CDKL5: variants seen among roughly 807,000 people sequenced by gnomAD.
CDKL5 encodes cyclin-dependent kinase-like 5.
In CDKL5, 8 loss-of-function variants were observed where a neutral mutation model predicts 61.7. That is an observed-to-expected ratio of 0.13 (90% CI 0.08 to 0.23). The LOEUF is 0.23. CDKL5 is among the 10% of genes least tolerant of loss of function. The pLI, the probability that CDKL5 is intolerant of heterozygous loss-of-function variation, is 1.00. For missense variants in CDKL5, 440 were observed against 734.5 expected (o/e 0.60, Z 4.63); for synonymous variants, 275 against 272.3 (o/e 1.01, Z -0.10).
intron 4 of CDKL5, among the ~76,000 whole-genome samples, chrX:18,566,071 G>A (rs943298017): frequency 1.8e-5 from 2 of 112,150 alleles, no homozygotes; most frequent in Non-Finnish European, 3.8e-5. Context: ...ATCTTTCAGG[G>A]CATATTGGCA....
intron 3 of CDKL5, among the ~76,000 whole-genome samples, chrX:18,562,920 A>G (rs1308600782): frequency 8.9e-6 from 1 of 112,288 alleles, no homozygotes; most frequent in Non-Finnish European, 1.9e-5. Flanking sequence ...ATAACTAATG[A>G]ATTTATTCAA....
chrX:18,557,478 A>G (rs1403967071), intron 3 of CDKL5, among the ~76,000 whole-genome samples: 1 of 111,661 alleles, frequency 9.0e-6, no homozygotes, highest in African/African-American at 3.3e-5. Flanking sequence ...CCTCGTAGAT[A>G]CTGAGGAATA....
chrX:18,467,644 G>A (rs964399453), intron 1 of CDKL5, among the ~76,000 whole-genome samples: 10 of 111,767 alleles, frequency 8.9e-5, no homozygotes, highest in Non-Finnish European at 9.4e-5. Context: ...TGAACTTGAG[G>A]AGTCTGTAAG....
Position 18,463,206 on chromosome X carries a change from T to C in CDKL5, c.-163+37511T>C, listed in dbSNP as rs1406390177. Among the ~76,000 whole-genome samples, 11 of 107,844 alleles carry C rather than the reference T, an allele frequency of 1.0e-4. No homozygotes were observed. In the Admixed American group the frequency reaches 1.1e-3, roughly 11 times the overall value. 93.6% of individuals were successfully genotyped at this position (107,844 alleles called of 115,157 possible). ...CTGAACCTGGGTGTTGAGAGGATGGTGGTGCCTTTAGAAGCAGTGCAGGCA... is the reference window on the plus strand; with the variant it reads ...CTGAACCTGGGTGTTGAGAGGATGGCGGTGCCTTTAGAAGCAGTGCAGGCA... On this transcript the variant is annotated intron_variant, in intron 1 of 17. Transcript: ENST00000623535.
At position 18,638,980 on chromosome X, in the gene CDKL5, T is replaced by C. The variant is rs1927476891; in HGVS notation, c.*10223T>C. ...AGCAAATAGTGGTGGGACAACTGGA[T>C]ATCCACATGCAAAAGAATGACGTTG... On this transcript the variant is annotated 3_prime_UTR_variant, in exon 18 of 18. Coordinates refer to ENST00000623535, the MANE Select transcript of CDKL5 (RefSeq NM_001323289.2). Among the ~76,000 whole-genome samples, 1 of 112,069 alleles carries C rather than the reference T, an allele frequency of 8.9e-6. No individual in the cohort carries two copies. Among genetic ancestry groups the C allele is most frequent in the Non-Finnish European group, 1.9e-5 (1 of 53,271 alleles).
Position 18,631,298 on chromosome X carries a change from A to G in CDKL5, c.*2541A>G. 1 of 754,279 alleles carries G rather than the reference A, an allele frequency of 1.3e-6. No individual in the cohort carries two copies. The highest frequency in any genetic ancestry group is 1.6e-6 in the Non-Finnish European group (1 of 639,068). 62.2% of individuals were successfully genotyped at this position (754,279 alleles called of 1,213,427 possible). ...CTACAGATATCTACAAATGTTTTCA[A>G]CCAGTGTTTTCGAGGTAGCTCTTTA... On this transcript the variant is annotated 3_prime_UTR_variant, in exon 18 of 18. Transcript: ENST00000623535.
chrX:18,457,777 A>C (rs1294098432), intron 1 of CDKL5, among the ~76,000 whole-genome samples: 1 of 105,844 alleles, frequency 9.4e-6, no homozygotes, highest in South Asian at 4.3e-4. Flanking sequence ...TGCCATGCCC[A>C]GCTAATTTTT....
At chrX:18,465,519 A>T (rs181824588) in intron 1 of CDKL5, among the ~76,000 whole-genome samples, 96 of 110,808 alleles carry the variant, frequency 8.7e-4, no homozygotes, top group African/African-American at 3.1e-3. Flanking sequence ...TACAAAAAAA[A>T]TTAGCTGGAT....
In CDKL5 at chrX:18,604,830, G is replaced by A; in HGVS notation, c.1906G>A (p.Ala636Thr). The change falls in exon 12 of 18, where the codon GCA (alanine) becomes ACA (threonine). Residue 636 changes from alanine (A) to threonine (T), a missense_variant. This residue lies in a region of CDKL5 where 363 missense variants were observed against 516.3 expected (regional missense o/e 0.70). Coordinates refer to ENST00000623535, the MANE Select transcript of CDKL5 (RefSeq NM_001323289.2). Reference protein sequence around the residue: ...DGSLSIGQGMAARANSLQLLS... With the variant: ...DGSLSIGQGMTARANSLQLLS... ...AAGCTTGAGCATAGGGCAAGGGATGGCAGCTAGAGCCAACAGCCTGCAACT... is the reference window on the plus strand; with the variant it reads ...AAGCTTGAGCATAGGGCAAGGGATGACAGCTAGAGCCAACAGCCTGCAACT... 1 of 1,211,493 alleles carries A rather than the reference G, an allele frequency of 8.3e-7. No homozygotes were observed. The highest frequency in any genetic ancestry group is 1.7e-5 in the African/African-American group (1 of 57,697).
At chrX:18,483,383 G>A (rs1921658692) in intron 1 of CDKL5, among the ~76,000 whole-genome samples, 1 of 111,097 alleles carries the variant, frequency 9.0e-6, no homozygotes, top group African/African-American at 3.3e-5. Context: ...GTAGAGGAAG[G>A]GTTTGTGGCA....
chrX:18,649,274 C>T (rs1194517308), intron 20 of CDKL5, among the ~76,000 whole-genome samples: 1 of 111,116 alleles, frequency 9.0e-6, no homozygotes, highest in Non-Finnish European at 1.9e-5. Context: ...CTCGCTGTGT[C>T]GCACAGGCTG....
At chrX:18,437,234 G>A (rs1274122982) in intron 1 of CDKL5, among the ~76,000 whole-genome samples, 5 of 111,623 alleles carry the variant, frequency 4.5e-5, no homozygotes, top group South Asian at 3.7e-4. Context: ...ATTGATTGTC[G>A]TCTGCGGTAC....
chrX:18,625,349 A>G (rs765634789), intron 17 of CDKL5, 102 bp downstream of exon 17: 2 of 894,612 alleles, frequency 2.2e-6, no homozygotes, highest in Non-Finnish European at 3.2e-6. Flanking sequence ...TCAATGTTAC[A>G]GTAAGGCTGA....
chrX:18,432,102 T>TC (rs1316156300), intron 1 of CDKL5, among the ~76,000 whole-genome samples: 2 of 98,018 alleles, frequency 2.0e-5, no homozygotes, highest in African/African-American at 7.8e-5. Context: ...TTTCTTTCTT[T>TC]TTTTTTTTTT....
At chrX:18,559,780 C>T (rs1212277110) in intron 3 of CDKL5, among the ~76,000 whole-genome samples, 1 of 76,326 alleles carries the variant, frequency 1.3e-5, no homozygotes, top group African/African-American at 4.9e-5. Flanking sequence ...CTATCCCTTC[C>T]CCCTCCCCCC....
In CDKL5 at chrX:18,427,330, G is replaced by T. The variant is rs190489231; in HGVS notation, c.-163+1635G>T. ...ATCTTTTTTTCGGGGCGGGGGTTGGGGGGGAGGTGAGGGTGGTTGAGGGGG... is the reference window on the plus strand; with the variant it reads ...ATCTTTTTTTCGGGGCGGGGGTTGGTGGGGAGGTGAGGGTGGTTGAGGGGG... On this transcript the variant is annotated intron_variant, in intron 1 of 17. Transcript: ENST00000623535. 9.7e-3 allele frequency among the ~76,000 whole-genome samples: 1,007 copies of T among 103,994 alleles called. 17 individuals carry two copies. The highest frequency in any genetic ancestry group is 0.034 in the African/African-American group (948 of 28,012). The allele number at this position is 103,994 out of a possible 115,157, so 90.3% of individuals were successfully genotyped here. A position where few individuals can be genotyped will look rare whatever the true frequency, so the allele number is the denominator to read the frequency against.
intron 1 of CDKL5, among the ~76,000 whole-genome samples, chrX:18,427,307 C>A (rs1385615654): frequency 4.8e-5 from 2 of 41,647 alleles, no homozygotes; most frequent in Non-Finnish European, 8.2e-5. Flanking sequence ...GGAAGGAAAT[C>A]TTTTTTTCGG....
Position 18,634,511 on chromosome X carries a change from G to A in CDKL5, c.*5754G>A, listed in dbSNP as rs1927327782. On this transcript the variant is annotated 3_prime_UTR_variant, in exon 18 of 18. Coordinates refer to ENST00000623535, the MANE Select transcript of CDKL5 (RefSeq NM_001323289.2). The stretch of plus-strand genomic sequence containing the variant: ...AAACAAAACAAAAAAGATGCTTATC[G>A]TCCCGGAGAATGTGTAAGTAAGTTC... 5.3e-6 allele frequency: 4 copies of A among 752,396 alleles called. No individual in the cohort carries two copies. Among genetic ancestry groups the A allele is most frequent in the South Asian group, 6.8e-5 (1 of 14,609 alleles). The allele number at this position is 752,396 out of a possible 1,213,427, so 62.0% of individuals were successfully genotyped here.
chrX:18,455,867 G>A lies in CDKL5; in HGVS notation c.-163+30172G>A, dbSNP rs139557631. Among the ~76,000 whole-genome samples, 460 of 111,519 alleles carry A rather than the reference G, an allele frequency of 4.1e-3. 2 individuals are homozygous for A. The highest frequency in any genetic ancestry group is 0.015 in the African/African-American group (446 of 30,752). On this transcript the variant is annotated intron_variant, in intron 1 of 17. Coordinates refer to ENST00000623535, the MANE Select transcript of CDKL5 (RefSeq NM_001323289.2). ...TGCCTGAAACATCATTATGCAGCAC[G>A]TGACTACCTTTATTTTAGCACTTCT...
Sources: gnomAD v4.1 joint callset for allele counts (sites outside exome capture counted in the v4.1 genomes callset) on GRCh38, gnomAD v4.1.1 for gene constraint, gnomAD v4.1.1 regional missense constraint, MANE v1.5 for transcripts, NCBI Gene and HGNC (gene_info 2026-07-23, HGNC 2026-07-21) for gene names.